The following MYO3B variants were observed in gnomAD, a reference collection of about 807,000 sequenced individuals.
The protein encoded by MYO3B is myosin IIIB.
In MYO3B, 156 loss-of-function variants were observed where a neutral mutation model predicts 174.6. The ratio of observed to expected loss-of-function variants is 0.89; its 90% CI spans 0.78 to 1.02. The LOEUF (loss-of-function observed/expected upper bound fraction) is 1.02. MYO3B is among the 50% of genes least tolerant of loss of function. The probability of loss-of-function intolerance (pLI) is 0.00; values close to 1 mark genes in which losing one functional copy is unlikely to be tolerated. For missense variants in MYO3B, 1,632 were observed against 1,639.4 expected, an observed-to-expected ratio of 1.00 and a Z score of 0.08; for synonymous variants, 563 against 569.1, an observed-to-expected ratio of 0.99 and a Z score of 0.15.
At chr2:170,578,576 A>T (rs937983156) in intron 32 of MYO3B, among the ~76,000 whole-genome samples, 2 of 152,262 alleles carry the variant, frequency 1.3e-5, no homozygotes, top group African/African-American at 4.8e-5. Context: ...AATTTTAATT[A>T]CTACTAAAAT....
chr2:170,639,994 C>CT (rs1312021297), intron 32 of MYO3B, among the ~76,000 whole-genome samples: 3 of 152,178 alleles, frequency 2.0e-5, no homozygotes, highest in Non-Finnish European at 2.9e-5. Flanking sequence ...TCCAGAATTC[C>CT]TTTTGTCCAG....
chr2:170,636,514 T>G (rs1226789603), intron 32 of MYO3B, among the ~76,000 whole-genome samples: 1 of 151,942 alleles, frequency 6.6e-6, no homozygotes, highest in African/African-American at 2.4e-5. Flanking sequence ...TGGTCCTTGA[T>G]TGCTAATGAC....
chr2:170,434,036 A>G (rs1270477088), intron 22 of MYO3B, among the ~76,000 whole-genome samples: 2 of 152,174 alleles, frequency 1.3e-5, no homozygotes, highest in African/African-American at 4.8e-5. Flanking sequence ...AACATTACAC[A>G]TGATCTCCTT....
intron 32 of MYO3B, among the ~76,000 whole-genome samples, chr2:170,575,066 T>C (rs1298333141): frequency 6.6e-6 from 1 of 152,128 alleles, no homozygotes; most frequent in African/African-American, 2.4e-5. Flanking sequence ...TGTAGTGAAA[T>C]ATTTATGCCT....
intron 3 of MYO3B, among the ~76,000 whole-genome samples, chr2:170,208,995 T>C (rs1051203764): frequency 2.0e-5 from 3 of 152,200 alleles, no homozygotes; most frequent in Non-Finnish European, 2.9e-5. Flanking sequence ...CTCCTGGTCC[T>C]GTCATAAAGT....
chr2:170,644,246 GTTGT>G (rs1201596820), intron 32 of MYO3B, among the ~76,000 whole-genome samples: 1 of 151,094 alleles, frequency 6.6e-6, no homozygotes, highest in Non-Finnish European at 1.5e-5. Context: ...AGAATTATTG[GTTGT>G]TTATCTGAAA....
At chr2:170,511,495 A>G (rs1289786252) in intron 28 of MYO3B, among the ~76,000 whole-genome samples, 1 of 152,196 alleles carries the variant, frequency 6.6e-6, no homozygotes, top group Admixed American at 6.5e-5. Flanking sequence ...GCTGACAGGT[A>G]TAGTTATTTT....
intron 25 of MYO3B, among the ~76,000 whole-genome samples, chr2:170,480,386 G>A (rs1345505766): frequency 2.0e-5 from 3 of 152,178 alleles, no homozygotes; most frequent in African/African-American, 7.2e-5. Context: ...GAGGTTCCTG[G>A]AGGGTGGCAC....
At chr2:170,252,254 A>G (rs964342271) in intron 7 of MYO3B, among the ~76,000 whole-genome samples, 3 of 152,230 alleles carry the variant, frequency 2.0e-5, no homozygotes, top group African/African-American at 7.2e-5. Flanking sequence ...AACTGTTACT[A>G]AATATGTATA....
chr2:170,534,632 G>A (rs2106181493), intron 30 of MYO3B, among the ~76,000 whole-genome samples: 1 of 152,214 alleles, frequency 6.6e-6, no homozygotes, highest in South Asian at 2.1e-4. Context: ...TAGAAACAAG[G>A]TCTCACTGTG....
At chr2:170,530,472 G>T (rs1308028921) in intron 30 of MYO3B, among the ~76,000 whole-genome samples, 1 of 152,148 alleles carries the variant, frequency 6.6e-6, no homozygotes, top group Non-Finnish European at 1.5e-5. Context: ...ATCTTAATGG[G>T]AAGTGGTTCA....
rs867961127 is a variant in MYO3B at position 170,203,501 on chromosome 2, G to A, written c.321+3217G>A. ...GAGCCAAAGCAAAAGGGGGCGGCGG[G>A]GGGGGGAGGGAGGGAGGGAGAAAGA... On this transcript the variant is annotated intron_variant, in intron 3 of 34. Transcript: ENST00000408978. Among the ~76,000 whole-genome samples, 50 of 142,188 alleles carry A rather than the reference G, an allele frequency of 3.5e-4. 2 individuals are homozygous for A. Among genetic ancestry groups the A allele is most frequent in the African/African-American group, 1.2e-3 (42 of 35,638 alleles). The allele number at this position is 142,188 out of a possible 152,430, so 93.3% of individuals were successfully genotyped here. A position where few individuals can be genotyped will look rare whatever the true frequency, so the allele number is the denominator to read the frequency against.
At chr2:170,198,852 C>T (rs1295407262) in intron 1 of MYO3B, among the ~76,000 whole-genome samples, 1 of 152,134 alleles carries the variant, frequency 6.6e-6, no homozygotes, top group African/African-American at 2.4e-5. Flanking sequence ...TAACAGTTTT[C>T]AGCCACTTTC....
At chr2:170,285,080 G>A (rs1028698816) in intron 7 of MYO3B, among the ~76,000 whole-genome samples, 5 of 152,194 alleles carry the variant, frequency 3.3e-5, no homozygotes, top group South Asian at 4.2e-4. Flanking sequence ...TTCTGTTATT[G>A]GACTATATCA....
intron 3 of MYO3B, among the ~76,000 whole-genome samples, chr2:170,212,148 C>A (rs142685249): frequency 0.018 from 2,738 of 151,458 alleles, 95 homozygotes; most frequent in African/African-American, 0.063. Context: ...GAGGCTGAGG[C>A]AGGAGAATCG....
chr2:170,412,007 A>C (rs139655352), intron 22 of MYO3B: 4 of 152,252 alleles, frequency 2.6e-5, no homozygotes, highest in African/African-American at 9.6e-5. Flanking sequence ...TGTTCTTTGT[A>C]ATACTTCCTA....
Position 170,519,492 on chromosome 2 carries a change from G to A in MYO3B, c.3527G>A (p.Gly1176Asp), listed in dbSNP as rs767259338. Residue 1176 changes from glycine (G) to aspartate (D), a missense_variant, in exon 30 of 35, where the codon GGC becomes GAC. Gly to Asp is a moderately conservative substitution (Grantham distance 94). Coordinates refer to ENST00000408978, the MANE Select transcript of MYO3B (RefSeq NM_138995.5). Reference sequence around the variant, plus strand: ...CATTCACAAGCAGAATCCAACAATGGCCGTACACAGACTTCAAGCAACTCT... The same window carrying A: ...CATTCACAAGCAGAATCCAACAATGACCGTACACAGACTTCAAGCAACTCT... ...RSHSQAESNN[G>D]RTQTSSNSPA... 6.2e-7 allele frequency: 1 copy of A among 1,613,958 alleles called. No individual in the cohort carries two copies. The highest frequency in any genetic ancestry group is 8.5e-7 in the Non-Finnish European group (1 of 1,179,988).
intron 22 of MYO3B, among the ~76,000 whole-genome samples, chr2:170,416,820 T>TG (rs200447234): frequency 1.8e-3 from 4 of 2,280 alleles, no homozygotes; most frequent in African/African-American, 2.2e-3. Context: ...TTTCTGTTGT[T>TG]TTTTTTTTTT....
chr2:170,261,187 C>T (rs111928657), intron 7 of MYO3B, among the ~76,000 whole-genome samples: 1 of 152,072 alleles, frequency 6.6e-6, no homozygotes, highest in Non-Finnish European at 1.5e-5. Flanking sequence ...CCACGCCCAG[C>T]TAATTTTGTA....
Sources: gnomAD v4.1 joint callset for allele counts (sites outside exome capture counted in the v4.1 genomes callset) on GRCh38, gnomAD v4.1.1 for gene constraint, MANE v1.5 for transcripts, NCBI Gene and HGNC (gene_info 2026-07-23, HGNC 2026-07-21) for gene names.